Variants in LCLAT1 observed in about 807,000 individuals in gnomAD.
The protein encoded by LCLAT1 is 1-AGP acyltransferase 8.
Under a neutral mutation model 30.7 loss-of-function variants are expected in LCLAT1, and 11 were observed. The ratio of observed to expected loss-of-function variants is 0.36; its 90% confidence interval spans 0.23 to 0.59. The LOEUF (loss-of-function observed/expected upper bound fraction) is 0.59. LCLAT1 is among the 20% of genes least tolerant of loss of function. LCLAT1 has a pLI of 0.77. For missense variants in LCLAT1, 402 were observed against 458.6 expected, an observed-to-expected ratio of 0.88 and a Z score of 1.13; for synonymous variants, 155 against 151.3, an observed-to-expected ratio of 1.02 and a Z score of -0.18.
chr2:30,633,161 G>A lies in LCLAT1; in HGVS notation c.629-6956G>A, dbSNP rs550375222. ...ACGTGGCACAGTGAATGATTGCTGA[G>A]TTACTAAATCCAAGTTTTATCTTCT... On this transcript the variant is annotated intron_variant, in intron 5 of 5. Coordinates refer to ENST00000379509, the MANE Select transcript of LCLAT1 (RefSeq NM_001002257.3). Among the ~76,000 whole-genome samples, 96 of 152,236 alleles carry A rather than the reference G, an allele frequency of 6.3e-4. 4 individuals are homozygous for A. The South Asian group carries it at 0.019, about 31-fold the overall frequency.
chr2:30,505,650 C>T (rs1425500096), intron 1 of LCLAT1, among the ~76,000 whole-genome samples: 2 of 151,986 alleles, frequency 1.3e-5, no homozygotes, highest in Non-Finnish European at 2.9e-5. Context: ...AGAGTATTAC[C>T]AAAATCTTAA....
At chr2:30,513,683 G>C (rs1409190660) in intron 1 of LCLAT1, among the ~76,000 whole-genome samples, 1 of 152,118 alleles carries the variant, frequency 6.6e-6, no homozygotes, top group African/African-American at 2.4e-5. Context: ...GAGCAAACCT[G>C]CTTCCCATTC....
chr2:30,493,085 A>T (rs542543419), intron 1 of LCLAT1, among the ~76,000 whole-genome samples: 63 of 152,296 alleles, frequency 4.1e-4, no homozygotes, highest in South Asian at 1.9e-3. Flanking sequence ...GGGTGGTGAG[A>T]TTGTCTAGTG....
chr2:30,478,329 T>G (rs1166782160), intron 1 of LCLAT1, among the ~76,000 whole-genome samples: 1 of 152,148 alleles, frequency 6.6e-6, no homozygotes, highest in Non-Finnish European at 1.5e-5. Flanking sequence ...TGTGGGAAAA[T>G]GCATTCTGAA....
intron 5 of LCLAT1, among the ~76,000 whole-genome samples, chr2:30,622,429 G>A (rs996434675): frequency 6.6e-6 from 1 of 152,100 alleles, no homozygotes; most frequent in Non-Finnish European, 1.5e-5. Flanking sequence ...GGGCAAACTT[G>A]TATCCTCCCT....
intron 5 of LCLAT1, among the ~76,000 whole-genome samples, chr2:30,632,912 T>G (rs766813057): frequency 1.3e-5 from 2 of 152,238 alleles, no homozygotes; most frequent in Non-Finnish European, 2.9e-5. Flanking sequence ...CAATAGTATT[T>G]TAATACTCAA....
intron 5 of LCLAT1, 109 bp downstream of exon 5, chr2:30,568,285 G>T: frequency 3.5e-6 from 2 of 570,330 alleles, no homozygotes; most frequent in Non-Finnish European, 6.3e-6. Flanking sequence ...TTTGTCTCAA[G>T]AAATGAGATA....
intron 1 of LCLAT1, among the ~76,000 whole-genome samples, chr2:30,450,730 T>C (rs1681503236): frequency 6.6e-6 from 1 of 152,116 alleles, no homozygotes; most frequent in African/African-American, 2.4e-5. Context: ...CAGGATTTCA[T>C]GAAGTCAAAG....
intron 5 of LCLAT1, among the ~76,000 whole-genome samples, chr2:30,616,412 G>T (rs1460568394): frequency 6.6e-6 from 1 of 152,120 alleles, no homozygotes; most frequent in African/African-American, 2.4e-5. Flanking sequence ...GTATGTGTTT[G>T]TTTTGTTTGA....
intron 1 of LCLAT1, among the ~76,000 whole-genome samples, chr2:30,510,206 G>A (rs1684873934): frequency 6.6e-6 from 1 of 151,830 alleles, no homozygotes; most frequent in Non-Finnish European, 1.5e-5. Context: ...CTTACTTGCT[G>A]TATTTCAGAT....
chr2:30,566,950 A>G (rs946496866), intron 4 of LCLAT1, among the ~76,000 whole-genome samples: 2 of 152,186 alleles, frequency 1.3e-5, no homozygotes, highest in African/African-American at 4.8e-5. Context: ...CCATTTTGTT[A>G]TGGAGCGGTT....
intron 5 of LCLAT1, among the ~76,000 whole-genome samples, chr2:30,590,466 A>G (rs1336904513): frequency 1.3e-5 from 2 of 150,234 alleles, no homozygotes; most frequent in African/African-American, 4.9e-5. Flanking sequence ...TTACCCTACC[A>G]AAAGGTAGTA....
At chr2:30,594,938 T>TGCCTAAA (rs1666864209) in intron 5 of LCLAT1, among the ~76,000 whole-genome samples, 1 of 152,210 alleles carries the variant, frequency 6.6e-6, no homozygotes, top group African/African-American at 2.4e-5. Flanking sequence ...ATAAATCATA[T>TGCCTAAA]GCCTAAAGCC....
rs765447023 is a variant in LCLAT1 at position 30,640,343 on chromosome 2, G to T, written c.855G>T (p.Lys285Asn). The part of the protein sequence containing the change: ...ERLRSFYQGE[K>N]NFYFTGQSVI... ...TGCGTTCCTTCTATCAAGGGGAGAA[G>T]AATTTTTATTTTACCGGACAGAGTG... is the stretch of plus-strand genomic sequence containing the variant. The change falls in exon 6 of 6, where the codon AAG becomes AAT. Residue 285 changes from lysine to asparagine, a missense_variant. Transcript: ENST00000379509. The T allele has an allele frequency of 3.1e-5, 50 of 1,614,208 alleles. No homozygotes were observed. The highest frequency in any genetic ancestry group is 1.2e-4 in the South Asian group (11 of 91,078).
intron 1 of LCLAT1, among the ~76,000 whole-genome samples, chr2:30,475,389 T>C (rs1682996844): frequency 6.6e-6 from 1 of 152,192 alleles, no homozygotes; most frequent in South Asian, 2.1e-4. Context: ...AGGGGCAGTA[T>C]TAAATGTAAT....
intron 1 of LCLAT1, among the ~76,000 whole-genome samples, chr2:30,466,192 T>C (rs564871478): frequency 3.7e-4 from 56 of 151,590 alleles, no homozygotes; most frequent in Non-Finnish European, 7.7e-4. Context: ...AGAACCAAGC[T>C]CATTTTAAAG....
intron 5 of LCLAT1, among the ~76,000 whole-genome samples, chr2:30,619,786 C>CT (rs1358942216): frequency 6.6e-6 from 1 of 152,100 alleles, no homozygotes; most frequent in African/African-American, 2.4e-5. Context: ...GCCTTCTTCC[C>CT]TTTAAGTTTT....
intron 1 of LCLAT1, among the ~76,000 whole-genome samples, chr2:30,524,690 G>A (rs1379557723): frequency 1.3e-5 from 2 of 152,082 alleles, no homozygotes; most frequent in East Asian, 1.9e-4. Context: ...TAGCAGTTTC[G>A]GTGATCAGAT....
intron 5 of LCLAT1, among the ~76,000 whole-genome samples, chr2:30,608,165 A>G (rs1667546516): frequency 6.6e-6 from 1 of 151,848 alleles, no homozygotes; most frequent in African/African-American, 2.4e-5. Context: ...TTCTAAAAAT[A>G]CAAATATTAG....
Sources: gnomAD v4.1 joint callset for allele counts (sites outside exome capture counted in the v4.1 genomes callset) on GRCh38, gnomAD v4.1.1 for gene constraint, MANE v1.5 for transcripts, NCBI Gene and HGNC (gene_info 2026-07-23, HGNC 2026-07-21) for gene names.